Variants in CLDN16 observed in about 807,000 individuals in gnomAD.
The protein encoded by CLDN16 is claudin-16.
In CLDN16, 13 loss-of-function variants were observed where a neutral mutation model predicts 24.6. That is an observed-to-expected ratio of 0.53 (90% CI 0.34 to 0.84). CLDN16 has a LOEUF of 0.84. Among genes scored for constraint, CLDN16 ranks in the 40% least tolerant of loss-of-function variants. The pLI is 0.01. For synonymous variants in CLDN16, 116 were observed against 106.7 expected, an observed-to-expected ratio of 1.09 and a Z score of -0.54; for missense variants, 298 against 292.7, an observed-to-expected ratio of 1.02 and a Z score of -0.13.
chr3:190,311,234 C>T, the CLDN16 span, among the ~76,000 whole-genome samples: 2 of 152,162 alleles, frequency 1.3e-5, no homozygotes, highest in Non-Finnish European at 2.9e-5. Flanking sequence ...AGAAGGCAAG[C>T]GAAGGAAGAA....
At chr3:190,346,421 T>A (rs1218055506) in intron 1 of CLDN16, among the ~76,000 whole-genome samples, 1 of 152,178 alleles carries the variant, frequency 6.6e-6, no homozygotes. Context: ...AGTGACCCAG[T>A]CATATTTGCG....
intron 3 of CLDN16, among the ~76,000 whole-genome samples, chr3:190,375,333 C>T (rs946140708): frequency 3.3e-5 from 5 of 151,932 alleles, no homozygotes; most frequent in African/African-American, 1.2e-4. Flanking sequence ...TTGCTTCAGC[C>T]TCTAGGCTCT....
the CLDN16 span, among the ~76,000 whole-genome samples, chr3:190,309,082 T>A: frequency 6.6e-6 from 1 of 152,152 alleles, no homozygotes; most frequent in South Asian, 2.1e-4. Flanking sequence ...CAAGTCTAAA[T>A]CCTGATGCAG....
the CLDN16 span, among the ~76,000 whole-genome samples, chr3:190,316,168 G>A: frequency 2.4e-4 from 37 of 152,092 alleles, no homozygotes; most frequent in Admixed American, 7.2e-4. Context: ...AAAAGTAATG[G>A]AGAAAATGGA....
chr3:190,341,570 G>A (rs1702342968), intron 1 of CLDN16, among the ~76,000 whole-genome samples: 1 of 152,136 alleles, frequency 6.6e-6, no homozygotes, highest in African/African-American at 2.4e-5. Flanking sequence ...AGGCCTCCAG[G>A]TCTGTGATGG....
intron 1 of CLDN16, 74 bp from the exon 2 acceptor site, chr3:190,402,263 T>A: frequency 1.7e-6 from 2 of 1,152,420 alleles, no homozygotes; most frequent in Non-Finnish European, 2.6e-6. Flanking sequence ...AACCACCAAC[T>A]TCTCTTTTTG....
chr3:190,355,474 C>G (rs140652077), intron 1 of CLDN16, among the ~76,000 whole-genome samples: 1 of 151,890 alleles, frequency 6.6e-6, no homozygotes, highest in East Asian at 1.9e-4. Flanking sequence ...GGAAAACTTT[C>G]TAATTAAAAC....
At position 190,363,560 on chromosome 3, in the gene CLDN16, A is replaced by G. The variant is rs1176592834; in HGVS notation, n.122-7333A>G. On this transcript the variant is annotated intron_variant and non_coding_transcript_variant, in intron 1 of 4. Transcript: ENST00000468220. ...GCTGTGCGTGTGTGTGTGTGTGTATATATATATATATATATATATATATAT... is the reference window on the plus strand; with the variant it reads ...GCTGTGCGTGTGTGTGTGTGTGTATGTATATATATATATATATATATATAT... Among the ~76,000 whole-genome samples, 61 of 83,856 alleles carry G rather than the reference A, an allele frequency of 7.3e-4. 1 individual carries two copies. The highest frequency in any genetic ancestry group is 3.0e-3 in the African/African-American group (60 of 19,982). The allele number at this position is 83,856 out of a possible 152,430, so 55.0% of individuals were successfully genotyped here.
intron 3 of CLDN16, among the ~76,000 whole-genome samples, chr3:190,382,342 T>G (rs917492643): frequency 1.3e-5 from 2 of 152,114 alleles, no homozygotes; most frequent in African/African-American, 4.8e-5. Flanking sequence ...GCTACTGAAT[T>G]TGAGGCTGAT....
intron 1 of CLDN16, among the ~76,000 whole-genome samples, chr3:190,332,228 T>C (rs748861949): frequency 6.6e-6 from 1 of 152,222 alleles, no homozygotes; most frequent in South Asian, 2.1e-4. Context: ...ATGAAGTACA[T>C]TGATTTTCCT....
chr3:190,393,068 GA>G (rs1408879594), intron 1 of CLDN16, among the ~76,000 whole-genome samples: 1 of 152,094 alleles, frequency 6.6e-6, no homozygotes, highest in Non-Finnish European at 1.5e-5. Context: ...TGAAATAAGG[GA>G]GGCTCTAAAA....
the CLDN16 span, among the ~76,000 whole-genome samples, chr3:190,295,600 G>A: frequency 6.6e-6 from 1 of 152,138 alleles, no homozygotes; most frequent in Non-Finnish European, 1.5e-5. Context: ...AGCATTGGAA[G>A]CTGCTTGTAC....
upstream of CLDN16, chr3:190,322,256 G>A (rs908148538): frequency 2.5e-5 from 39 of 1,564,962 alleles, no homozygotes; most frequent in Middle Eastern, 2.2e-4. Context: ...TGCAGAAGGC[G>A]GAGAGTTTGC....
At position 190,401,964 on chromosome 3, in the gene CLDN16, TA is replaced by T. The variant is rs201072224; in HGVS notation, c.115-372del. On this transcript the variant is annotated intron_variant, in intron 1 of 4. Coordinates refer to ENST00000264734, the MANE Select transcript of CLDN16 (RefSeq NM_006580.4). ...TATCATCTATTGTTATATATATATATATTTTTTGGTGAGTAAATGTCAGCAC... is the reference window on the plus strand; with the variant it reads ...TATCATCTATTGTTATATATATATATTTTTTTGGTGAGTAAATGTCAGCAC... 2.5e-3 allele frequency among the ~76,000 whole-genome samples: 380 copies of T among 152,250 alleles called. 2 individuals are homozygous for T. The highest frequency in any genetic ancestry group is 8.2e-3 in the African/African-American group (341 of 41,550).
chr3:190,390,895 C>G (rs1718637998), intron 1 of CLDN16, among the ~76,000 whole-genome samples: 1 of 152,124 alleles, frequency 6.6e-6, no homozygotes, highest in Non-Finnish European at 1.5e-5. Context: ...AAGTCATCCT[C>G]CCACCTCAGC....
At chr3:190,356,402 A>G (rs1343045833) in intron 1 of CLDN16, among the ~76,000 whole-genome samples, 1 of 151,862 alleles carries the variant, frequency 6.6e-6, no homozygotes, top group East Asian at 1.9e-4. Context: ...CACAAAGCAT[A>G]CATACTCATG....
At chr3:190,394,341 C>T (rs1718761219) in intron 1 of CLDN16, among the ~76,000 whole-genome samples, 2 of 152,208 alleles carry the variant, frequency 1.3e-5, no homozygotes, top group South Asian at 4.1e-4. Context: ...TTATTGAGAA[C>T]CTGCTATGTA....
At chr3:190,306,194 T>G in the CLDN16 span, 1 of 152,204 alleles carries the variant, frequency 6.6e-6, no homozygotes, top group Non-Finnish European at 1.5e-5. Flanking sequence ...TTCAAAAATC[T>G]CCCTTGCTGT....
At chr3:190,359,834 A>G (rs1717848703) in intron 1 of CLDN16, among the ~76,000 whole-genome samples, 1 of 152,014 alleles carries the variant, frequency 6.6e-6, no homozygotes, top group South Asian at 2.1e-4. Context: ...AAAGAGAAAG[A>G]AATGTTCAGA....
Sources: gnomAD v4.1 joint callset for allele counts (sites outside exome capture counted in the v4.1 genomes callset) on GRCh38, gnomAD v4.1.1 for gene constraint, MANE v1.5 for transcripts, NCBI Gene and HGNC (gene_info 2026-07-23, HGNC 2026-07-21) for gene names.